The following BABAM2 variants were observed in gnomAD, a reference collection of about 807,000 sequenced individuals.
The protein encoded by BABAM2 is BRISC and BRCA1-A complex member 2.
In BABAM2, 31 loss-of-function variants were observed where a neutral mutation model predicts 54.7. The ratio of observed to expected loss-of-function variants is 0.57; its 90% CI spans 0.43 to 0.77. The LOEUF is 0.77. Ranked by LOEUF, BABAM2 falls within the 30% of genes least tolerant of loss-of-function variation. The pLI, the probability that BABAM2 is intolerant of heterozygous loss-of-function variation, is 0.00. For synonymous variants in BABAM2, 167 were observed against 162.9 expected (o/e 1.03, Z -0.19); for missense variants, 364 against 455.8 (o/e 0.80, Z 1.83).
At chr2:28,041,560 GGAGA>G (rs1677101883) in intron 5 of BABAM2, among the ~76,000 whole-genome samples, 1 of 152,192 alleles carries the variant, frequency 6.6e-6, no homozygotes, top group Admixed American at 6.5e-5. Context: ...ATACCATGGA[GGAGA>G]GAGTTTCTGG....
intron 11 of BABAM2, among the ~76,000 whole-genome samples, chr2:28,299,927 T>TTTTTATTTTA (rs573164670): frequency 5.3e-5 from 8 of 152,068 alleles, no homozygotes; most frequent in African/African-American, 1.7e-4. Context: ...GCTTGATAAC[T>TTTTTATTTTA]TTTTATTTTA....
chr2:27,985,057 ATGTGTGTGTG>A (rs35552031), intron 3 of BABAM2, among the ~76,000 whole-genome samples: 431 of 137,510 alleles, frequency 3.1e-3, no homozygotes, highest in East Asian at 0.015. Flanking sequence ...GTATTCCATG[ATGTGTGTGTG>A]TGTGTGTGTG....
At chr2:28,175,962 C>T (rs1338374022) in intron 7 of BABAM2, among the ~76,000 whole-genome samples, 3 of 152,234 alleles carry the variant, frequency 2.0e-5, no homozygotes, top group African/African-American at 7.2e-5. Context: ...ACAAATACCA[C>T]TGACACTGTT....
At chr2:28,096,800 A>T (rs1268711467) in intron 6 of BABAM2, among the ~76,000 whole-genome samples, 1 of 151,016 alleles carries the variant, frequency 6.6e-6, no homozygotes, top group Non-Finnish European at 1.5e-5. Flanking sequence ...GCTGCTGAGA[A>T]CATCTTGCAC....
intron 7 of BABAM2, among the ~76,000 whole-genome samples, chr2:28,169,881 G>A (rs1306597346): frequency 6.6e-6 from 1 of 150,876 alleles, no homozygotes; most frequent in Non-Finnish European, 1.5e-5. Flanking sequence ...AAAAACCATA[G>A]CCTGGGATCA....
chr2:27,968,462 C>G (rs936720250), intron 3 of BABAM2, among the ~76,000 whole-genome samples: 3 of 152,170 alleles, frequency 2.0e-5, no homozygotes, highest in Non-Finnish European at 4.4e-5. Flanking sequence ...GGAGTGGGGC[C>G]CTCATGGAGA....
intron 3 of BABAM2, among the ~76,000 whole-genome samples, chr2:27,973,430 CTTT>C (rs879613609): frequency 1.4e-5 from 2 of 146,602 alleles, no homozygotes; most frequent in Non-Finnish European, 1.5e-5. Flanking sequence ...AGGATGTAAT[CTTT>C]TTTTTTTTTT....
intron 7 of BABAM2, among the ~76,000 whole-genome samples, chr2:28,190,220 A>C (rs1676752776): frequency 6.6e-6 from 1 of 152,228 alleles, no homozygotes; most frequent in Admixed American, 6.5e-5. Flanking sequence ...TTATAACAAA[A>C]TACTATAGAT....
At chr2:28,248,184 T>C (rs946807820) in intron 10 of BABAM2, among the ~76,000 whole-genome samples, 2 of 150,048 alleles carry the variant, frequency 1.3e-5, no homozygotes, top group African/African-American at 4.9e-5. Context: ...TTTAAGCTAG[T>C]AGCTTTTGTT....
At chr2:28,132,284 G>A (rs1334020714) in intron 7 of BABAM2, among the ~76,000 whole-genome samples, 6 of 151,542 alleles carry the variant, frequency 4.0e-5, no homozygotes, top group Non-Finnish European at 5.9e-5. Context: ...GACTACAGGC[G>A]CCCGCCACCA....
chr2:28,025,084 C>G, intron 4 of BABAM2, 142 bp from the exon 5 acceptor site: 1 of 649,148 alleles, frequency 1.5e-6, no homozygotes, highest in Non-Finnish European at 2.3e-6. Flanking sequence ...AACTTCATCT[C>G]TGGGTATATG....
At chr2:27,975,353 T>C (rs1671515291) in intron 3 of BABAM2, among the ~76,000 whole-genome samples, 1 of 152,064 alleles carries the variant, frequency 6.6e-6, no homozygotes, top group Admixed American at 6.6e-5. Context: ...GAAGACTTAT[T>C]ATCAAGGCAG....
chr2:27,984,235 T>C (rs1672233665), intron 3 of BABAM2, among the ~76,000 whole-genome samples: 1 of 152,154 alleles, frequency 6.6e-6, no homozygotes, highest in South Asian at 2.1e-4. Context: ...ATCTTTGCTC[T>C]GTTAACTTTT....
chr2:28,101,563 C>A (rs539953605), intron 6 of BABAM2, among the ~76,000 whole-genome samples: 1 of 152,150 alleles, frequency 6.6e-6, no homozygotes, highest in African/African-American at 2.4e-5. Context: ...CTGTGAATTA[C>A]AGGGCCTCAC....
In BABAM2 at chr2:28,026,961, TATATATATAA is replaced by T. The variant is rs1290586494; in HGVS notation, c.495+1549_495+1558del. 1.1e-3 allele frequency among the ~76,000 whole-genome samples: 90 copies of T among 83,160 alleles called. 5 individuals are homozygous for T. Among genetic ancestry groups the T allele is most frequent in the East Asian group, 4.5e-3 (8 of 1,790 alleles). The allele number at this position is 83,160 out of a possible 152,430, so 54.6% of individuals were successfully genotyped here. On this transcript the variant is annotated intron_variant, in intron 5 of 11. Transcript: ENST00000379624. ...ATAAATATATATTAATATATATAAA[TATATATATAA>T]ATATATAAATATATATAAAAATATA...
At chr2:28,114,187 G>T (rs1240445907) in intron 6 of BABAM2, among the ~76,000 whole-genome samples, 4 of 152,154 alleles carry the variant, frequency 2.6e-5, no homozygotes, top group Non-Finnish European at 5.9e-5. Flanking sequence ...TCAGGCAAGA[G>T]AAAGAAATAA....
chr2:28,247,759 T>A (rs1683029877), intron 10 of BABAM2, among the ~76,000 whole-genome samples: 1 of 152,192 alleles, frequency 6.6e-6, no homozygotes, highest in Non-Finnish European at 1.5e-5. Context: ...CTCCTGGCAA[T>A]AATTATGTGC....
At chr2:27,944,510 T>A (rs2148391650) in intron 3 of BABAM2, among the ~76,000 whole-genome samples, 1 of 152,338 alleles carries the variant, frequency 6.6e-6, no homozygotes, top group African/African-American at 2.4e-5. Context: ...TATGGCCTCT[T>A]TCAGTCAGCA....
intron 2 of BABAM2, 157 bp downstream of exon 2, chr2:27,894,841 T>C: frequency 1.3e-6 from 1 of 765,388 alleles, no homozygotes; most frequent in East Asian, 2.8e-5. Context: ...TGTTCAGTTC[T>C]TGACATTTTA....
Sources: gnomAD v4.1 joint callset for allele counts (sites outside exome capture counted in the v4.1 genomes callset) on GRCh38, gnomAD v4.1.1 for gene constraint, MANE v1.5 for transcripts, NCBI Gene and HGNC (gene_info 2026-07-23, HGNC 2026-07-21) for gene names.